Variants in NFATC2 observed in about 807,000 individuals in gnomAD.
NFATC2 encodes the protein nuclear factor of activated T cells 2, also known as nuclear factor of activated T-cells, cytoplasmic 2.
In NFATC2, 22 loss-of-function variants were observed where a neutral mutation model predicts 87.3. The observed-to-expected ratio is 0.25, with a 90% CI of 0.18 to 0.36. The LOEUF (loss-of-function observed/expected upper bound fraction) is 0.36, where lower values mean the gene tolerates loss of function less well. NFATC2 is among the 10% of genes least tolerant of loss of function. The pLI is 1.00. For missense variants in NFATC2, 1,149 were observed against 1,259.1 expected (o/e 0.91, Z 1.32); for synonymous variants, 565 against 542.2 (o/e 1.04, Z -0.58).
chr20:51,398,497 GGGGTCTAGCCCTTAAGAGC>G lies in NFATC2; in HGVS notation c.*44+127_*44+145del, dbSNP rs201934161. 2,010 of 561,920 alleles carry G rather than the reference GGGGTCTAGCCCTTAAGAGC, an allele frequency of 3.6e-3. 23 individuals are homozygous for G. Among genetic ancestry groups the G allele is most frequent in the African/African-American group, 0.031 (1,639 of 53,130 alleles). The allele number at this position is 561,920 out of a possible 1,614,324, so 34.8% of individuals were successfully genotyped here. A position where few individuals can be genotyped will look rare whatever the true frequency, so the allele number is the denominator to read the frequency against. On this transcript the variant is annotated intron_variant, in intron 10 of 10. Coordinates refer to ENST00000371564, the MANE Select transcript of NFATC2 (RefSeq NM_012340.5). Reference sequence around the variant, plus strand: ...CAGGAGTGTCCACTTCAGGAGTGGAGGGGTCTAGCCCTTAAGAGCAGGAGAATGAGAAGAGAGGGCCTTC... The same window carrying G: ...CAGGAGTGTCCACTTCAGGAGTGGAGAGGAGAATGAGAAGAGAGGGCCTTC...
intron 6 of NFATC2, among the ~76,000 whole-genome samples, chr20:51,453,789 G>C (rs1257495575): frequency 1.3e-5 from 2 of 152,198 alleles, no homozygotes; most frequent in Non-Finnish European, 2.9e-5. Flanking sequence ...TGGGATGGGG[G>C]TGAAACTATG....
chr20:51,436,082 C>G (rs1209770285), intron 6 of NFATC2, among the ~76,000 whole-genome samples: 5 of 152,064 alleles, frequency 3.3e-5, no homozygotes, highest in Non-Finnish European at 7.4e-5. Flanking sequence ...AAGATGGGAA[C>G]AGCAGATACT....
At chr20:51,514,904 T>C (rs1301321822) in intron 3 of NFATC2, among the ~76,000 whole-genome samples, 2 of 152,038 alleles carry the variant, frequency 1.3e-5, no homozygotes, top group African/African-American at 2.4e-5. Context: ...CATAAGGCAA[T>C]TGCTCTCAGG....
intron 1 of NFATC2, among the ~76,000 whole-genome samples, chr20:51,528,274 A>C (rs988370798): frequency 2.0e-5 from 3 of 152,188 alleles, no homozygotes; most frequent in Admixed American, 6.5e-5. Context: ...GTATAGCTAC[A>C]AAAAGGCCTG....
intron 1 of NFATC2, among the ~76,000 whole-genome samples, chr20:51,529,916 A>G (rs1458445332): frequency 6.6e-6 from 1 of 152,210 alleles, no homozygotes; most frequent in Non-Finnish European, 1.5e-5. Context: ...GAGGCTTTAT[A>G]CAGCCCCGCC....
In NFATC2 at chr20:51,514,242, C is replaced by T. The variant is rs535488024; in HGVS notation, c.1332+2542G>A. ...CACCATGCCTGGTACATAGTAGGTG[C>T]TCAATAAACATCTTTTGAATAATCA... On this transcript the variant is annotated intron_variant, in intron 3 of 10. Transcript: ENST00000371564. 3.9e-5 allele frequency among the ~76,000 whole-genome samples: 6 copies of T among 152,304 alleles called. No individual in the cohort carries two copies. The South Asian group carries it at 1.0e-3, about 26-fold the overall frequency.
chr20:51,458,955 G>A (rs1379643466), intron 5 of NFATC2, among the ~76,000 whole-genome samples: 2 of 152,152 alleles, frequency 1.3e-5, no homozygotes, highest in Non-Finnish European at 2.9e-5. Context: ...GGGTCAGAAA[G>A]CCATGGTTTT....
chr20:51,391,470 G>T lies in NFATC2; in HGVS notation c.*45-19C>A. The T allele has an allele frequency of 7.3e-7, 1 of 1,362,252 alleles. No homozygotes were observed. Among genetic ancestry groups the T allele is most frequent in the East Asian group, 2.6e-5 (1 of 38,320 alleles). 84.4% of individuals were successfully genotyped at this position (1,362,252 alleles called of 1,614,324 possible). On this transcript the variant is annotated intron_variant, in intron 10 of 10. Coordinates refer to ENST00000371564, the MANE Select transcript of NFATC2 (RefSeq NM_012340.5). The stretch of plus-strand genomic sequence containing the variant: ...TCATTAACTACAAAAGAAAAGAGGA[G>T]GGGGGGGGAGAGAGAATGGGGCAAG...
intron 3 of NFATC2, among the ~76,000 whole-genome samples, chr20:51,492,351 C>A (rs78581230): frequency 6.6e-6 from 1 of 152,068 alleles, no homozygotes; most frequent in South Asian, 2.1e-4. Flanking sequence ...GAGGAGACTG[C>A]GCAATCAACA....
intron 8 of NFATC2, among the ~76,000 whole-genome samples, chr20:51,434,837 A>G (rs1039015256): frequency 1.3e-5 from 2 of 152,120 alleles, no homozygotes; most frequent in Admixed American, 6.5e-5. Flanking sequence ...CAGCCCCTCT[A>G]TCATGATCAA....
intron 5 of NFATC2, among the ~76,000 whole-genome samples, chr20:51,473,058 C>T (rs760341687): frequency 6.6e-6 from 1 of 152,104 alleles, no homozygotes; most frequent in Admixed American, 6.5e-5. Flanking sequence ...GTATAAAGTA[C>T]GTAAGAATGA....
intron 6 of NFATC2, among the ~76,000 whole-genome samples, chr20:51,440,075 A>G (rs574801222): frequency 4.6e-5 from 7 of 152,174 alleles, no homozygotes; most frequent in African/African-American, 1.7e-4. Flanking sequence ...CGTCTCTACT[A>G]AAAATACAAA....
chr20:51,511,115 CAT>C (rs1192478166), intron 3 of NFATC2, among the ~76,000 whole-genome samples: 1 of 152,212 alleles, frequency 6.6e-6, no homozygotes, highest in African/African-American at 2.4e-5. Flanking sequence ...CACATTCCCA[CAT>C]GTCACAGCCT....
At position 51,438,205 on chromosome 20, in the gene NFATC2, C is replaced by T. The variant is rs865931441; in HGVS notation, c.1850-2444G>A. Among the ~76,000 whole-genome samples, 9 of 152,156 alleles carry T rather than the reference C, an allele frequency of 5.9e-5. No homozygotes were observed. The South Asian group carries it at 1.9e-3, about 32-fold the overall frequency. ...ATGTCCCCTTTTCAGGTAGAGGTCA[C>T]CACCAGGAGCGTGACTGTACAGGCC... is the stretch of plus-strand genomic sequence containing the variant. On this transcript the variant is annotated intron_variant, in intron 6 of 10. Transcript: ENST00000371564.
chr20:51,530,888 T>C (rs1013087640), intron 1 of NFATC2, among the ~76,000 whole-genome samples: 5 of 152,180 alleles, frequency 3.3e-5, no homozygotes, highest in African/African-American at 1.2e-4. Context: ...AGTCTATCTA[T>C]GGATTCACTC....
chr20:51,475,277 A>T (rs952041770), intron 4 of NFATC2, among the ~76,000 whole-genome samples, 181 bp downstream of exon 4: 2 of 152,112 alleles, frequency 1.3e-5, no homozygotes, highest in Admixed American at 1.3e-4. Flanking sequence ...CCTACATATT[A>T]TGCTTTTAAA....
chr20:51,533,668 AAAG>A (rs370863386), intron 1 of NFATC2, among the ~76,000 whole-genome samples: 462 of 152,330 alleles, frequency 3.0e-3, no homozygotes, highest in African/African-American at 5.4e-3. Flanking sequence ...GACGGGGCTG[AAAG>A]AAGGACTCAG....
chr20:51,437,178 G>A (rs1486815963), intron 6 of NFATC2, among the ~76,000 whole-genome samples: 1 of 151,506 alleles, frequency 6.6e-6, no homozygotes, highest in Non-Finnish European at 1.5e-5. Flanking sequence ...CACCTATACT[G>A]GTCATTGGTA....
At chr20:51,395,057 A>T (rs1986860551) in intron 10 of NFATC2, among the ~76,000 whole-genome samples, 1 of 152,208 alleles carries the variant, frequency 6.6e-6, no homozygotes, top group Non-Finnish European at 1.5e-5. Flanking sequence ...GCTGATTTTC[A>T]TGCGATTGAC....
Sources: gnomAD v4.1 joint callset for allele counts (sites outside exome capture counted in the v4.1 genomes callset) on GRCh38, gnomAD v4.1.1 for gene constraint, MANE v1.5 for transcripts, NCBI Gene and HGNC (gene_info 2026-07-23, HGNC 2026-07-21) for gene names.